The following CRPPA variants were observed in gnomAD, a reference collection of about 807,000 sequenced individuals.
CRPPA encodes the protein D-ribitol-5-phosphate cytidylyltransferase.
A neutral mutation model predicts 52.0 loss-of-function variants in CRPPA; 43 were observed. That is an observed-to-expected ratio of 0.83 (90% CI 0.65 to 1.07). The LOEUF (loss-of-function observed/expected upper bound fraction) is 1.07, where lower values mean the gene tolerates loss of function less well. Ranked by LOEUF, CRPPA falls within the 50% of genes least tolerant of loss-of-function variation. The probability of loss-of-function intolerance (pLI) is 0.00; values close to 1 mark genes in which losing one functional copy is unlikely to be tolerated. For missense variants in CRPPA, 629 were observed against 551.7 expected, an observed-to-expected ratio of 1.14 and a Z score of -1.40; for synonymous variants, 250 against 203.5, an observed-to-expected ratio of 1.23 and a Z score of -1.94.
At chr7:16,226,130 A>G (rs1263998143) in intron 8 of CRPPA, among the ~76,000 whole-genome samples, 6 of 151,984 alleles carry the variant, frequency 3.9e-5, no homozygotes, top group African/African-American at 1.2e-4. Flanking sequence ...TCTCAGGAAC[A>G]ATGTTTTGGC....
At chr7:16,393,128 C>G (rs144746942) in intron 2 of CRPPA, among the ~76,000 whole-genome samples, 29 of 152,188 alleles carry the variant, frequency 1.9e-4, no homozygotes, top group Admixed American at 8.5e-4. Context: ...AGTTCCAGAG[C>G]AAGGTGGGAG....
intron 8 of CRPPA, among the ~76,000 whole-genome samples, chr7:16,229,081 C>T (rs1782724196): frequency 6.6e-6 from 1 of 151,758 alleles, no homozygotes; most frequent in African/African-American, 2.4e-5. Flanking sequence ...TATATTTTAC[C>T]TCATGAATAC....
At chr7:16,272,055 G>T (rs1784101495) in intron 6 of CRPPA, among the ~76,000 whole-genome samples, 1 of 152,136 alleles carries the variant, frequency 6.6e-6, no homozygotes, top group Admixed American at 6.6e-5. Context: ...AGTGAGAGAG[G>T]TCCCTTTAAA....
chr7:16,352,262 T>A (rs6956331), intron 3 of CRPPA, among the ~76,000 whole-genome samples: 2 of 151,336 alleles, frequency 1.3e-5, no homozygotes, highest in African/African-American at 4.9e-5. Flanking sequence ...CATGGCCTGT[T>A]GGAGGGGTGG....
At chr7:16,207,403 T>A (rs547035962) in intron 9 of CRPPA, among the ~76,000 whole-genome samples, 95 of 152,354 alleles carry the variant, frequency 6.2e-4, no homozygotes, top group Admixed American at 1.2e-3. Context: ...TTTCATTTCC[T>A]ACCCTTCATG....
intron 2 of CRPPA, among the ~76,000 whole-genome samples, chr7:16,384,883 GA>G (rs1264009151): frequency 3.3e-5 from 5 of 152,268 alleles, no homozygotes; most frequent in Non-Finnish European, 2.9e-5. Flanking sequence ...AGCAGATAAA[GA>G]CCTCAAATCA....
At chr7:16,099,932 C>T (rs773957421) in intron 9 of CRPPA, among the ~76,000 whole-genome samples, 1 of 152,162 alleles carries the variant, frequency 6.6e-6, no homozygotes, top group Non-Finnish European at 1.5e-5. Context: ...CCACTGTAAG[C>T]CTACATTAAC....
At position 16,288,174 on chromosome 7, in the gene CRPPA, G is replaced by A. The variant is rs147658510; in HGVS notation, c.836-9948C>T. ...GTACTTTGTTATGGCACCACAGGCAGACTAATATATACATTTCCTTACATC... is the reference window on the plus strand; with the variant it reads ...GTACTTTGTTATGGCACCACAGGCAAACTAATATATACATTTCCTTACATC... On this transcript the variant is annotated intron_variant, in intron 5 of 9. Coordinates refer to ENST00000407010, the MANE Select transcript of CRPPA (RefSeq NM_001101426.4). 1.4e-3 allele frequency among the ~76,000 whole-genome samples: 212 copies of A among 152,098 alleles called. 1 individual carries two copies. The East Asian group carries it at 0.037, about 27-fold the overall frequency.
At chr7:16,193,699 G>A (rs1186884641) in intron 9 of CRPPA, among the ~76,000 whole-genome samples, 3 of 151,840 alleles carry the variant, frequency 2.0e-5, no homozygotes, top group Non-Finnish European at 4.4e-5. Flanking sequence ...TGTACATATA[G>A]GTATGTATAC....
chr7:16,377,210 G>C (rs1786914540), intron 2 of CRPPA, among the ~76,000 whole-genome samples: 1 of 152,164 alleles, frequency 6.6e-6, no homozygotes, highest in Non-Finnish European at 1.5e-5. Context: ...TTTATAAATT[G>C]TGTCACACCT....
chr7:16,271,179 C>A (rs568941669), intron 6 of CRPPA, among the ~76,000 whole-genome samples: 1 of 152,280 alleles, frequency 6.6e-6, no homozygotes, highest in East Asian at 1.9e-4. Context: ...AAAGCCCCTA[C>A]AGTCCCTGTT....
chr7:16,123,489 C>T (rs527455037), intron 9 of CRPPA, among the ~76,000 whole-genome samples: 1 of 152,278 alleles, frequency 6.6e-6, no homozygotes, highest in African/African-American at 2.4e-5. Flanking sequence ...CAGCAACATT[C>T]ATTTTCACAT....
chr7:16,117,944 A>G (rs1403498256), intron 9 of CRPPA, among the ~76,000 whole-genome samples: 2 of 152,194 alleles, frequency 1.3e-5, no homozygotes, highest in African/African-American at 2.4e-5. Context: ...CCAAGACATG[A>G]GTAAGCTTTA....
At chr7:16,173,719 T>C (rs943902936) in intron 9 of CRPPA, among the ~76,000 whole-genome samples, 4 of 152,134 alleles carry the variant, frequency 2.6e-5, no homozygotes, top group South Asian at 2.1e-4. Flanking sequence ...AAAGTATTCA[T>C]TGATCCCTAC....
At chr7:16,211,533 T>C (rs1428064417) in intron 9 of CRPPA, among the ~76,000 whole-genome samples, 1 of 152,168 alleles carries the variant, frequency 6.6e-6, no homozygotes, top group African/African-American at 2.4e-5. Flanking sequence ...AATTGTTCAT[T>C]GCAGAAAGTT....
intron 8 of CRPPA, among the ~76,000 whole-genome samples, chr7:16,222,694 C>T (rs1040606542): frequency 6.6e-6 from 1 of 152,010 alleles, no homozygotes; most frequent in Non-Finnish European, 1.5e-5. Flanking sequence ...CAATAATTGT[C>T]GTCTCTAACA....
rs1386486689 is a variant in CRPPA, at chr7:16,276,063, A to T, written c.933+2066T>A. 1.8e-4 allele frequency among the ~76,000 whole-genome samples: 28 copies of T among 152,156 alleles called. No individual in the cohort carries two copies. The East Asian group carries it at 5.4e-3, about 29-fold the overall frequency. On this transcript the variant is annotated intron_variant, in intron 6 of 9. Transcript: ENST00000407010. ...GGCGAGAAAATTTAAAAAATATTTC[A>T]GAAATGAAGACTAAATTAGAAAAAA...
chr7:16,309,963 AAATC>A (rs1233608891), intron 3 of CRPPA, among the ~76,000 whole-genome samples: 4 of 152,214 alleles, frequency 2.6e-5, no homozygotes, highest in Non-Finnish European at 5.9e-5. Flanking sequence ...TAAGTTTAAA[AAATC>A]AATAGTGGTG....
At chr7:16,200,664 T>C (rs1011953114) in intron 9 of CRPPA, among the ~76,000 whole-genome samples, 14 of 152,218 alleles carry the variant, frequency 9.2e-5, no homozygotes, top group Non-Finnish European at 2.9e-5. Context: ...TTACAAGAAA[T>C]TTAAAGTCAC....
Sources: allele counts gnomAD v4.1 joint callset (sites outside exome capture counted in the v4.1 genomes callset), GRCh38; gene constraint gnomAD v4.1.1; transcripts MANE v1.5; gene names NCBI Gene and HGNC (gene_info 2026-07-23, HGNC 2026-07-21).